The following PRRG1 variants were observed in gnomAD, a reference collection of about 807,000 sequenced individuals.
The protein encoded by PRRG1 is transmembrane gamma-carboxyglutamic acid protein 1.
In PRRG1, 5 loss-of-function variants were observed where a neutral mutation model predicts 11.8. The ratio of observed to expected loss-of-function variants is 0.42; its 90% CI spans 0.22 to 0.89. PRRG1 has a LOEUF of 0.89. PRRG1 is among the 40% of genes least tolerant of loss of function. PRRG1 has a pLI of 0.28. For missense variants in PRRG1, 155 were observed against 166.1 expected, an observed-to-expected ratio of 0.93 and a Z score of 0.37; for synonymous variants, 66 against 60.4, an observed-to-expected ratio of 1.09 and a Z score of -0.43.
chrX:37,420,509 T>A (rs1213148739), intron 2 of PRRG1, among the ~76,000 whole-genome samples: 2 of 109,119 alleles, frequency 1.8e-5, no homozygotes, highest in Non-Finnish European at 3.8e-5. Flanking sequence ...TGTTTGCTAC[T>A]GTTTCTGGTG....
chrX:37,418,271 T>G (rs1932557048), intron 2 of PRRG1, among the ~76,000 whole-genome samples: 1 of 112,217 alleles, frequency 8.9e-6, no homozygotes, highest in Non-Finnish European at 1.9e-5. Flanking sequence ...AGATATTGGC[T>G]CTCTTAGACT....
chrX:37,451,306 C>T (rs781883720), intron 3 of PRRG1, among the ~76,000 whole-genome samples: 1 of 112,418 alleles, frequency 8.9e-6, no homozygotes, highest in Admixed American at 9.4e-5. Flanking sequence ...CATGAGCCAC[C>T]GCACCCAGCC....
intron 3 of PRRG1, chrX:37,441,696 C>T (rs1159486525): frequency 6.3e-6 from 5 of 795,910 alleles, no homozygotes; most frequent in Non-Finnish European, 7.6e-6. Flanking sequence ...ACTTCCTGCG[C>T]CAGTTGCACA....
chrX:37,354,204 T>C (rs116753658), intron 1 of PRRG1, among the ~76,000 whole-genome samples: 5,238 of 110,515 alleles, frequency 0.047, 309 homozygotes, highest in African/African-American at 0.16. Context: ...TTTCCATTTC[T>C]AATAAGTTCA....
intron 1 of PRRG1, among the ~76,000 whole-genome samples, chrX:37,376,549 G>GTATATATATATATA (rs1491489103): frequency 0.033 from 531 of 16,017 alleles, 64 homozygotes; most frequent in South Asian, 0.1. Flanking sequence ...AGAAATGTGA[G>GTATATATATATATA]TGTATATATA....
At chrX:37,432,851 A>G (rs1001687904) in intron 3 of PRRG1, among the ~76,000 whole-genome samples, 2 of 111,559 alleles carry the variant, frequency 1.8e-5, no homozygotes, top group Admixed American at 9.5e-5. Context: ...ATGGTTCTCA[A>G]AGTAAACAAA....
chrX:37,435,266 G>A (rs782752560), intron 3 of PRRG1, among the ~76,000 whole-genome samples: 5 of 111,681 alleles, frequency 4.5e-5, no homozygotes, highest in Non-Finnish European at 7.5e-5. Context: ...CAAAATAAAT[G>A]ATGTAGTATT....
chrX:37,367,399 G>C, intron 1 of PRRG1, among the ~76,000 whole-genome samples: 1 of 111,160 alleles, frequency 9.0e-6, no homozygotes, highest in Non-Finnish European at 1.9e-5. Flanking sequence ...TGTTTTTACT[G>C]TCCAAATATG....
intron 1 of PRRG1, among the ~76,000 whole-genome samples, chrX:37,396,363 A>C (rs1556378168): frequency 9.0e-6 from 1 of 111,396 alleles, no homozygotes; most frequent in Non-Finnish European, 1.9e-5. Flanking sequence ...CTGTGTCCCC[A>C]CCCAAATCTC....
intron 2 of PRRG1, among the ~76,000 whole-genome samples, chrX:37,419,389 T>A (rs1381563665): frequency 1.8e-5 from 2 of 111,941 alleles, no homozygotes; most frequent in African/African-American, 6.5e-5. Context: ...GTTATAAGTA[T>A]CAAGTCCTTA....
At chrX:37,376,551 G>GTATATATATATATATATATATAAA in intron 1 of PRRG1, among the ~76,000 whole-genome samples, 1 of 26,911 alleles carries the variant, frequency 3.7e-5, no homozygotes, top group South Asian at 2.5e-3. Flanking sequence ...AAATGTGAGT[G>GTATATATATATATATATATATAAA]TATATATATA....
intron 3 of PRRG1, chrX:37,442,235 C>T (rs1473092607): frequency 1.3e-6 from 1 of 749,384 alleles, no homozygotes; most frequent in East Asian, 1.5e-4. Flanking sequence ...TAAAGGTGTC[C>T]AGTTGATGCG....
At chrX:37,451,079 G>A (rs782495921) in intron 3 of PRRG1, among the ~76,000 whole-genome samples, 15 of 111,633 alleles carry the variant, frequency 1.3e-4, no homozygotes, top group Non-Finnish European at 2.4e-4. Context: ...ATGCAATGAC[G>A]CAATCTCGGC....
At chrX:37,383,866 T>C (rs1556374370) in intron 1 of PRRG1, among the ~76,000 whole-genome samples, 1 of 111,197 alleles carries the variant, frequency 9.0e-6, no homozygotes, top group African/African-American at 3.3e-5. Flanking sequence ...TTCTACTTTT[T>C]CACTTATACA....
At chrX:37,401,333 C>T (rs1461753767) in intron 1 of PRRG1, among the ~76,000 whole-genome samples, 40 of 110,776 alleles carry the variant, frequency 3.6e-4, no homozygotes, top group Admixed American at 2.8e-3. Flanking sequence ...GTTCAATATA[C>T]GCAAATCAAT....
chrX:37,402,036 A>G (rs1435960530), intron 1 of PRRG1, among the ~76,000 whole-genome samples: 7 of 111,877 alleles, frequency 6.3e-5, no homozygotes, highest in Non-Finnish European at 1.1e-4. Flanking sequence ...GGAAGAATCA[A>G]TATCATGAAA....
chrX:37,424,012 A>G (rs1162277451), intron 2 of PRRG1, among the ~76,000 whole-genome samples: 2 of 111,707 alleles, frequency 1.8e-5, no homozygotes, highest in Non-Finnish European at 3.8e-5. Flanking sequence ...CCAATAGGCT[A>G]TATCATATAG....
chrX:37,403,643 A>T (rs868978474), intron 1 of PRRG1: 1 of 413,685 alleles, frequency 2.4e-6, no homozygotes, highest in Non-Finnish European at 2.9e-6. Context: ...AATAAAATAA[A>T]ATAATAAAAT....
At position 37,362,636 on chromosome X, in the gene PRRG1, A is replaced by T. The variant is rs140338463; in HGVS notation, c.-42+13241A>T. On this transcript the variant is annotated intron_variant, in intron 1 of 3. Transcript: ENST00000378628. ...AGTTCTTCACCTTTTAACTGAGGCT[A>T]GTTTTCTGCCAGAATCTCAGCCCCA... 5.0e-3 allele frequency among the ~76,000 whole-genome samples: 563 copies of T among 111,942 alleles called. 2 individuals are homozygous for T. Among genetic ancestry groups the T allele is most frequent in the Middle Eastern group, 9.2e-3 (2 of 218 alleles).
Sources: allele counts gnomAD v4.1 joint callset (sites outside exome capture counted in the v4.1 genomes callset), GRCh38; gene constraint gnomAD v4.1.1; transcripts MANE v1.5; gene names NCBI Gene and HGNC (gene_info 2026-07-23, HGNC 2026-07-21).